SLC12A8: variants seen among roughly 807,000 people sequenced by gnomAD.
SLC12A8 encodes the protein solute carrier family 12 member 8.
In SLC12A8, 69 loss-of-function variants were observed where a neutral mutation model predicts 75.6. The observed-to-expected ratio is 0.91, with a 90% CI of 0.75 to 1.11. The LOEUF (loss-of-function observed/expected upper bound fraction) is 1.11, where lower values mean the gene tolerates loss of function less well. SLC12A8 is among the 50% of genes most tolerant of loss of function. The probability of loss-of-function intolerance (pLI) is 0.00; values close to 1 mark genes in which losing one functional copy is unlikely to be tolerated. For synonymous variants in SLC12A8, 365 were observed against 372.8 expected, an observed-to-expected ratio of 0.98 and a Z score of 0.24; for missense variants, 877 against 896.7, an observed-to-expected ratio of 0.98 and a Z score of 0.28.
At chr3:125,172,948 G>A (rs1934437449) in intron 5 of SLC12A8, among the ~76,000 whole-genome samples, 1 of 152,188 alleles carries the variant, frequency 6.6e-6, no homozygotes. Context: ...GGAGGCCAAG[G>A]CAGATGGATC....
intron 10 of SLC12A8, among the ~76,000 whole-genome samples, chr3:125,102,421 T>C (rs1247929669): frequency 6.6e-6 from 1 of 152,210 alleles, no homozygotes; most frequent in African/African-American, 2.4e-5. Flanking sequence ...TCGTACACCC[T>C]ATCTGGGACT....
At chr3:125,102,523 A>T (rs1938907489) in intron 10 of SLC12A8, among the ~76,000 whole-genome samples, 1 of 152,182 alleles carries the variant, frequency 6.6e-6, no homozygotes, top group Non-Finnish European at 1.5e-5. Flanking sequence ...AGTGGGCAGC[A>T]TGAAGGAGAA....
chr3:125,109,443 A>G (rs1055500284), intron 9 of SLC12A8, among the ~76,000 whole-genome samples: 1 of 152,260 alleles, frequency 6.6e-6, no homozygotes, highest in Non-Finnish European at 1.5e-5. Context: ...AGGAAGATAA[A>G]GGAAGAAATC....
At chr3:125,100,086 G>C (rs1480354257) in intron 10 of SLC12A8, among the ~76,000 whole-genome samples, 1 of 152,142 alleles carries the variant, frequency 6.6e-6, no homozygotes, top group African/African-American at 2.4e-5. Flanking sequence ...AGACAAAAAT[G>C]ATCCAAAGTG....
At chr3:125,122,254 T>C (rs1470521892) in intron 6 of SLC12A8, among the ~76,000 whole-genome samples, 1 of 152,248 alleles carries the variant, frequency 6.6e-6, no homozygotes, top group Non-Finnish European at 1.5e-5. Flanking sequence ...TTCTGGGTGA[T>C]AAAAGAACAG....
rs970998183 is a variant in SLC12A8, at chr3:125,118,036, C to T, written c.912+733G>A. Among the ~76,000 whole-genome samples the T allele has an allele frequency of 2.0e-5, 3 of 152,256 alleles. No individual in the cohort carries two copies. The East Asian group carries it at 5.8e-4, about 29-fold the overall frequency. On this transcript the variant is annotated intron_variant, in intron 8 of 13. Coordinates refer to ENST00000469902, the MANE Select transcript of SLC12A8 (RefSeq NM_024628.6). Reference sequence around the variant, plus strand: ...CTTCCGCCCGCTCCCTCCACGTCTGCCTGTCCAGCCTCCTTCTCCACTTGC... The same window carrying T: ...CTTCCGCCCGCTCCCTCCACGTCTGTCTGTCCAGCCTCCTTCTCCACTTGC...
intron 2 of SLC12A8, among the ~76,000 whole-genome samples, chr3:125,207,513 A>G (rs1034325835): frequency 1.8e-4 from 27 of 152,224 alleles, no homozygotes; most frequent in African/African-American, 6.5e-4. Flanking sequence ...TCCAGCAGGA[A>G]CTGGGGATCC....
At chr3:125,166,118 G>A (rs1291762935) in intron 5 of SLC12A8, among the ~76,000 whole-genome samples, 2 of 151,930 alleles carry the variant, frequency 1.3e-5, no homozygotes, top group Non-Finnish European at 2.9e-5. Context: ...CTCCCATGCT[G>A]CGGGGCGCTT....
intron 5 of SLC12A8, among the ~76,000 whole-genome samples, chr3:125,169,224 G>C (rs1934354981): frequency 6.6e-6 from 1 of 152,214 alleles, no homozygotes; most frequent in Non-Finnish European, 1.5e-5. Flanking sequence ...TGGCATTTTA[G>C]TAGCTTTAAG....
At chr3:125,147,311 C>CCATA (rs1933802182) in intron 5 of SLC12A8, among the ~76,000 whole-genome samples, 1 of 152,200 alleles carries the variant, frequency 6.6e-6, no homozygotes, top group Admixed American at 6.5e-5. Context: ...TGGGCTACTG[C>CCATA]CATATCACCT....
rs550101612 is a variant in SLC12A8, at chr3:125,203,221, GA to G, written c.51+8077del. On this transcript the variant is annotated intron_variant, in intron 2 of 13. Coordinates refer to ENST00000469902, the MANE Select transcript of SLC12A8 (RefSeq NM_024628.6). ...ACCAATGACATTGTTCACATAAATA[GA>G]AAAAAAAAACCCTAAAATTTGTATG... Among the ~76,000 whole-genome samples, 52 of 135,644 alleles carry G rather than the reference GA, an allele frequency of 3.8e-4. 1 individual carries two copies. Among genetic ancestry groups the G allele is most frequent in the African/African-American group, 5.2e-4 (19 of 36,416 alleles). 89.0% of individuals were successfully genotyped at this position (135,644 alleles called of 152,430 possible). A position where few individuals can be genotyped will look rare whatever the true frequency, so the allele number is the denominator to read the frequency against.
At position 125,173,368 on chromosome 3, in the gene SLC12A8, T is replaced by C. The variant is rs149848426; in HGVS notation, c.622+4375A>G. Among the ~76,000 whole-genome samples the C allele has an allele frequency of 2.8e-3, 414 of 149,652 alleles. 3 individuals carry two copies. Among genetic ancestry groups the C allele is most frequent in the Non-Finnish European group, 4.7e-3 (316 of 67,732 alleles). On this transcript the variant is annotated intron_variant, in intron 5 of 13. Coordinates refer to ENST00000469902, the MANE Select transcript of SLC12A8 (RefSeq NM_024628.6). ...AACACACAAATACAGTCAACTGATA[T>C]TTGACAAAGGCACAAAAGCAACTCA...
chr3:125,209,836 G>C (rs1336473744), intron 2 of SLC12A8, among the ~76,000 whole-genome samples: 1 of 152,240 alleles, frequency 6.6e-6, no homozygotes, highest in East Asian at 1.9e-4. Flanking sequence ...TTTAAGCAGA[G>C]GGGTCAAATG....
intron 10 of SLC12A8, among the ~76,000 whole-genome samples, chr3:125,096,266 C>A (rs905151415): frequency 6.6e-6 from 1 of 152,176 alleles, no homozygotes. Flanking sequence ...AATAAACCTA[C>A]CTGAAACAGT....
At chr3:125,190,569 C>G (rs1182383736) in intron 2 of SLC12A8, 48 bp from the exon 3 acceptor site, 11 of 1,603,352 alleles carry the variant, frequency 6.9e-6, no homozygotes, top group Non-Finnish European at 9.4e-6. Context: ...TTGGGAGGGC[C>G]AGGGATGGCA....
intron 2 of SLC12A8, 46 bp from the exon 3 acceptor site, chr3:125,190,567 G>C: frequency 6.2e-7 from 1 of 1,603,714 alleles, no homozygotes; most frequent in Non-Finnish European, 8.5e-7. Context: ...CATTGGGAGG[G>C]CCAGGGATGG....
rs1036028419 is a variant in SLC12A8 at position 125,110,078 on chromosome 3, G to T, written c.1059+111C>A. ...GCATTATTTTCTGTGTCACCCCAAAGAAATTGACCAGAGGCTCTGATCAGA... is the reference window on the plus strand; with the variant it reads ...GCATTATTTTCTGTGTCACCCCAAATAAATTGACCAGAGGCTCTGATCAGA... On this transcript the variant is annotated intron_variant, in intron 9 of 13. Coordinates refer to ENST00000469902, the MANE Select transcript of SLC12A8 (RefSeq NM_024628.6). 4.2e-6 allele frequency: 5 copies of T among 1,179,528 alleles called. 1 individual carries two copies. The highest frequency in any genetic ancestry group is 6.0e-6 in the Non-Finnish European group (5 of 836,466). 73.1% of individuals were successfully genotyped at this position (1,179,528 alleles called of 1,614,324 possible).
At chr3:125,120,969 A>C (rs1933043607) in intron 6 of SLC12A8, 8 of 667,752 alleles carry the variant, frequency 1.2e-5, no homozygotes, top group South Asian at 1.1e-4. Context: ...ACCAGGGGGG[A>C]GGAAAGCGGC....
chr3:125,088,408 T>C, intron 12 of SLC12A8, 38 bp from the exon 13 acceptor site: 1 of 1,599,272 alleles, frequency 6.3e-7, no homozygotes. Context: ...TTTTGAAGGT[T>C]CTACATAAGG....
Sources: gnomAD v4.1 joint callset for allele counts (sites outside exome capture counted in the v4.1 genomes callset) on GRCh38, gnomAD v4.1.1 for gene constraint, MANE v1.5 for transcripts, NCBI Gene and HGNC (gene_info 2026-07-23, HGNC 2026-07-21) for gene names.